Variants in GAS2 observed in about 807,000 individuals in gnomAD.
GAS2 encodes the protein growth arrest specific 2, also known as growth arrest-specific protein 2.
Under a neutral mutation model 37.5 loss-of-function variants are expected in GAS2, and 20 were observed. The observed-to-expected ratio is 0.53, with a 90% CI of 0.37 to 0.77. GAS2 has a LOEUF of 0.77. Ranked by LOEUF, GAS2 falls within the 30% of genes least tolerant of loss-of-function variation. The pLI, the probability that GAS2 is intolerant of heterozygous loss-of-function variation, is 0.00. For synonymous variants in GAS2, 144 were observed against 132.2 expected (o/e 1.09, Z -0.61); for missense variants, 336 against 373.4 (o/e 0.90, Z 0.82).
chr11:22,628,476 A>G (rs1486180033), intron 1 of GAS2, among the ~76,000 whole-genome samples: 1 of 152,246 alleles, frequency 6.6e-6, no homozygotes, highest in Non-Finnish European at 1.5e-5. Context: ...TTTGATCCCC[A>G]AATTCCTGGG....
At chr11:22,728,632 A>G (rs1356510846) in intron 4 of GAS2, among the ~76,000 whole-genome samples, 1 of 151,770 alleles carries the variant, frequency 6.6e-6, no homozygotes, top group African/African-American at 2.4e-5. Flanking sequence ...AGTTAAATTA[A>G]TTAGTTAGGT....
At chr11:22,640,900 G>T (rs1858901945) in intron 1 of GAS2, among the ~76,000 whole-genome samples, 1 of 152,102 alleles carries the variant, frequency 6.6e-6, no homozygotes, top group Non-Finnish European at 1.5e-5. Context: ...AAAGGGCATT[G>T]TAATTCAAAT....
At chr11:22,741,227 A>G (rs1164178106) in intron 5 of GAS2, among the ~76,000 whole-genome samples, 2 of 152,114 alleles carry the variant, frequency 1.3e-5, no homozygotes, top group Non-Finnish European at 2.9e-5. Flanking sequence ...AACTAAATAG[A>G]GCTATCATCA....
At chr11:22,655,110 C>T (rs1486072056) in intron 1 of GAS2, among the ~76,000 whole-genome samples, 1 of 152,152 alleles carries the variant, frequency 6.6e-6, no homozygotes, top group African/African-American at 2.4e-5. Context: ...CTCCTAAGCT[C>T]TTCAGACTGT....
chr11:22,718,725 T>A (rs1356404060), intron 3 of GAS2, among the ~76,000 whole-genome samples: 2 of 151,970 alleles, frequency 1.3e-5, no homozygotes, highest in Non-Finnish European at 2.9e-5. Context: ...ACACTGAGAT[T>A]TCTATTTAAA....
rs1221716872 is a variant in GAS2, at chr11:22,755,868, C to T, written c.638C>T (p.Pro213Leu). ...DDAVKRISED[P>L]PCKCPNKFCV... ...CAGGTGAAACGAATTTCTGAAGATCCTCCTTGCAAATGCCCAAACAAGTTC... is the reference window on the plus strand; with the variant it reads ...CAGGTGAAACGAATTTCTGAAGATCTTCCTTGCAAATGCCCAAACAAGTTC... The change falls in exon 7 of 8, where the codon CCT (proline) becomes CTT (leucine). Residue 213 changes from proline to leucine, a missense_variant. Pro to Leu is a moderately conservative substitution (Grantham distance 98, BLOSUM62 -3). Coordinates refer to ENST00000454584, the MANE Select transcript of GAS2 (RefSeq NM_001143830.3). 2 of 1,612,704 alleles carry T rather than the reference C, an allele frequency of 1.2e-6. No individual in the cohort carries two copies. Among genetic ancestry groups the T allele is most frequent in the African/African-American group, 2.7e-5 (2 of 74,846 alleles).
intron 1 of GAS2, among the ~76,000 whole-genome samples, chr11:22,648,466 C>G (rs1033153261): frequency 5.9e-5 from 9 of 152,232 alleles, no homozygotes; most frequent in African/African-American, 2.2e-4. Context: ...TGAAGAAAGT[C>G]ATTGGTAGCT....
At chr11:22,798,326 T>C (rs1297915602) in intron 7 of GAS2, among the ~76,000 whole-genome samples, 2 of 152,060 alleles carry the variant, frequency 1.3e-5, no homozygotes, top group Non-Finnish European at 2.9e-5. Flanking sequence ...TGCTTACACA[T>C]ATTAATATCT....
chr11:22,719,591 T>G (rs1055335031), intron 3 of GAS2, among the ~76,000 whole-genome samples: 2 of 152,152 alleles, frequency 1.3e-5, no homozygotes, highest in African/African-American at 2.4e-5. Context: ...CAGAATAGTT[T>G]CACTGACCTA....
intron 1 of GAS2, among the ~76,000 whole-genome samples, chr11:22,637,197 T>C (rs184858912): frequency 0.041 from 4,015 of 97,188 alleles, 895 homozygotes; most frequent in East Asian, 0.088. Context: ...TAATATTATA[T>C]TAATATATTA....
intron 6 of GAS2, among the ~76,000 whole-genome samples, chr11:22,749,517 A>G (rs1853613342): frequency 6.6e-6 from 1 of 152,034 alleles, no homozygotes; most frequent in Admixed American, 6.6e-5. Context: ...AACTCCCTGA[A>G]AATTGTATTT....
intron 1 of GAS2, among the ~76,000 whole-genome samples, chr11:22,648,167 T>A (rs1848726829): frequency 6.6e-6 from 1 of 152,150 alleles, no homozygotes; most frequent in Non-Finnish European, 1.5e-5. Flanking sequence ...CCAGCACCAT[T>A]TATTAAATAG....
At chr11:22,663,610 T>C (rs1429009064), upstream of GAS2, among the ~76,000 whole-genome samples, 1 of 152,164 alleles carries the variant, frequency 6.6e-6, no homozygotes, top group African/African-American at 2.4e-5. Context: ...TTAAAAAGTT[T>C]AAAGTTCTCC....
chr11:22,741,174 C>T (rs1335548714), intron 5 of GAS2, among the ~76,000 whole-genome samples: 1 of 152,074 alleles, frequency 6.6e-6, no homozygotes, highest in Non-Finnish European at 1.5e-5. Flanking sequence ...CTGAATGAGA[C>T]CACTTATTTT....
At chr11:22,686,936 T>C (rs757671430) in intron 3 of GAS2, among the ~76,000 whole-genome samples, 42 of 152,298 alleles carry the variant, frequency 2.8e-4, no homozygotes, top group Middle Eastern at 3.4e-3. Context: ...TCTATTTTTT[T>C]ATTTCTTAAA....
intron 7 of GAS2, among the ~76,000 whole-genome samples, chr11:22,781,265 A>C (rs1440197285): frequency 6.6e-6 from 1 of 152,038 alleles, no homozygotes; most frequent in East Asian, 1.9e-4. Flanking sequence ...CTATTCACTG[A>C]GGTGGGGATG....
intron 7 of GAS2, among the ~76,000 whole-genome samples, chr11:22,800,985 T>G (rs1471541719): frequency 6.6e-6 from 1 of 152,078 alleles, no homozygotes; most frequent in Non-Finnish European, 1.5e-5. Context: ...GGCCATTACT[T>G]TTTCATTTAG....
chr11:22,710,175 A>G (rs1295225705), intron 3 of GAS2, among the ~76,000 whole-genome samples: 1 of 152,030 alleles, frequency 6.6e-6, no homozygotes, highest in Non-Finnish European at 1.5e-5. Flanking sequence ...TAATTTAAAA[A>G]AGGAAAAAAC....
At chr11:22,718,200 G>T (rs899830147) in intron 3 of GAS2, among the ~76,000 whole-genome samples, 2 of 152,044 alleles carry the variant, frequency 1.3e-5, no homozygotes, top group East Asian at 3.9e-4. Context: ...TTGCAATTGC[G>T]AAAATATGGA....
Sources: gnomAD v4.1 joint callset for allele counts (sites outside exome capture counted in the v4.1 genomes callset) on GRCh38, gnomAD v4.1.1 for gene constraint, MANE v1.5 for transcripts, NCBI Gene and HGNC (gene_info 2026-07-23, HGNC 2026-07-21) for gene names.